The following MAGT1 variants were observed in gnomAD, a reference collection of about 807,000 sequenced individuals.
MAGT1 encodes dolichyl-diphosphooligosaccharide--protein glycosyltransferase subunit MAGT1.
MAGT1 carries 4 observed loss-of-function variants against 28.4 expected under a neutral mutation model. The ratio of observed to expected loss-of-function variants is 0.14; its 90% CI spans 0.07 to 0.32. MAGT1 has a LOEUF of 0.32. MAGT1 is among the 10% of genes least tolerant of loss of function. The pLI is 1.00. For synonymous variants in MAGT1, 89 were observed against 89.7 expected, an observed-to-expected ratio of 0.99 and a Z score of 0.04; for missense variants, 193 against 264.5, an observed-to-expected ratio of 0.73 and a Z score of 1.88.
At chrX:77,838,698 C>T (rs1603359548) in intron 8 of MAGT1, among the ~76,000 whole-genome samples, 1 of 104,043 alleles carries the variant, frequency 9.6e-6, no homozygotes, top group African/African-American at 3.6e-5. Flanking sequence ...GCGGAGGTTG[C>T]AGTAAGCCAA....
chrX:77,867,863 T>C lies in MAGT1; in HGVS notation c.390+2945A>G, dbSNP rs781898860. ...AAACCAGGGTTTCCCAAGTTTATTT[T>C]TTTCCAAGAATACTTATTAATACCA... On this transcript the variant is annotated intron_variant, in intron 3 of 9. Coordinates refer to ENST00000618282, the MANE Select transcript of MAGT1 (RefSeq NM_001367916.1). Among the ~76,000 whole-genome samples the C allele has an allele frequency of 1.5e-4, 10 of 67,321 alleles. 1 individual carries two copies. The South Asian group carries it at 5.8e-3, about 39-fold the overall frequency. The allele number at this position is 67,321 out of a possible 115,157, so 58.5% of individuals were successfully genotyped here. A position where few individuals can be genotyped will look rare whatever the true frequency, so the allele number is the denominator to read the frequency against.
intron 1 of MAGT1, among the ~76,000 whole-genome samples, chrX:77,876,582 T>C (rs140076453): frequency 4.0e-4 from 45 of 111,187 alleles, no homozygotes; most frequent in African/African-American, 1.4e-3. Flanking sequence ...AACCCAGAAG[T>C]AGACCCATAC....
Position 77,827,533 on chromosome X carries a change from C to T in MAGT1, c.*1687G>A, listed in dbSNP as rs2076886085. The T allele has an allele frequency of 9.3e-6, 1 of 107,890 alleles. No homozygotes were observed. 8.9% of individuals were successfully genotyped at this position (107,890 alleles called of 1,213,427 possible). A position where few individuals can be genotyped will look rare whatever the true frequency, so the allele number is the denominator to read the frequency against. On this transcript the variant is annotated 3_prime_UTR_variant, in exon 10 of 10. Coordinates refer to ENST00000618282, the MANE Select transcript of MAGT1 (RefSeq NM_001367916.1). ...CTTGGCTCACTGAAACCTCCATCTC[C>T]TGAGTTCAAGTGATTCTCGTGCCTC...
At chrX:77,837,534 T>C (rs1557214015) in intron 8 of MAGT1, 1 of 111,174 alleles carries the variant, frequency 9.0e-6, no homozygotes, top group African/African-American at 3.3e-5. Context: ...CTCTAACTCC[T>C]GGCCTCAAGC....
chrX:77,835,249 C>T lies in MAGT1; in HGVS notation c.902-4354G>A, dbSNP rs548151293. 3.6e-5 allele frequency among the ~76,000 whole-genome samples: 4 copies of T among 110,118 alleles called. No homozygotes were observed. The South Asian group carries it at 1.1e-3, about 31-fold the overall frequency. On this transcript the variant is annotated intron_variant, in intron 8 of 9. Coordinates refer to ENST00000618282, the MANE Select transcript of MAGT1 (RefSeq NM_001367916.1). ...TGCTGGGATTACAGGCGTGAGCCAC[C>T]GCAAAAAAAGAAAATATTTCAATAG...
chrX:77,839,167 G>A (rs1214719849), intron 8 of MAGT1, among the ~76,000 whole-genome samples: 8 of 105,998 alleles, frequency 7.5e-5, no homozygotes, highest in African/African-American at 2.7e-4. Flanking sequence ...AGCCAGGCAT[G>A]GTGGCGGGTG....
intron 3 of MAGT1, among the ~76,000 whole-genome samples, chrX:77,865,810 G>C (rs2077007131): frequency 9.0e-6 from 1 of 111,552 alleles, no homozygotes; most frequent in African/African-American, 3.3e-5. Flanking sequence ...TGGAGAGAAA[G>C]CAGACAGGGA....
At chrX:77,880,957 C>CAAAAAAAAAA (rs11285161) in intron 1 of MAGT1, among the ~76,000 whole-genome samples, 1 of 35,453 alleles carries the variant, frequency 2.8e-5, no homozygotes, top group Non-Finnish European at 4.8e-5. Flanking sequence ...GAATCTGTCT[C>CAAAAAAAAAA]AAAAAAAAAA....
At chrX:77,838,410 T>C (rs781920675) in intron 8 of MAGT1, among the ~76,000 whole-genome samples, 41 of 108,627 alleles carry the variant, frequency 3.8e-4, no homozygotes, top group African/African-American at 1.4e-3. Context: ...TGAGTCATTA[T>C]TGTGGCACTG....
intron 8 of MAGT1, among the ~76,000 whole-genome samples, chrX:77,835,989 T>C (rs1274219287): frequency 9.0e-6 from 1 of 110,939 alleles, no homozygotes; most frequent in Non-Finnish European, 1.9e-5. Flanking sequence ...TTTTAGTAGA[T>C]ACGGGGTTTT....
At chrX:77,871,875 G>C (rs894273614) in intron 2 of MAGT1, among the ~76,000 whole-genome samples, 1 of 110,376 alleles carries the variant, frequency 9.1e-6, no homozygotes, top group Admixed American at 9.8e-5. Context: ...AGTCATCTTT[G>C]AATTTTTCCA....
intron 9 of MAGT1, among the ~76,000 whole-genome samples, chrX:77,829,851 G>A (rs934599626): frequency 2.5e-4 from 28 of 111,733 alleles, no homozygotes; most frequent in African/African-American, 9.1e-4. Flanking sequence ...CAGACAAGGA[G>A]CTATGTGAAT....
chrX:77,871,798 C>T (rs1468377796), intron 2 of MAGT1, among the ~76,000 whole-genome samples: 4 of 109,945 alleles, frequency 3.6e-5, no homozygotes, highest in Non-Finnish European at 7.6e-5. Context: ...GCCGAGATCA[C>T]ACCACTGCAC....
At chrX:77,854,230 A>G (rs2076975875) in intron 6 of MAGT1, among the ~76,000 whole-genome samples, 1 of 111,716 alleles carries the variant, frequency 9.0e-6, no homozygotes, top group African/African-American at 3.2e-5. Context: ...GCTGGAGTGC[A>G]GCGGCATGAT....
intron 3 of MAGT1, among the ~76,000 whole-genome samples, chrX:77,863,432 G>A (rs782737125): frequency 4.5e-4 from 47 of 104,778 alleles, no homozygotes; most frequent in Non-Finnish European, 7.6e-4. Flanking sequence ...GGAGAATGGC[G>A]TGAACCCGGG....
intron 7 of MAGT1, among the ~76,000 whole-genome samples, chrX:77,851,633 CA>C (rs1420944084): frequency 9.0e-6 from 1 of 111,225 alleles, no homozygotes; most frequent in Non-Finnish European, 1.9e-5. Flanking sequence ...CTCAGCCTCC[CA>C]AAGTGCTGGG....
intron 8 of MAGT1, among the ~76,000 whole-genome samples, chrX:77,832,845 A>AAAAAG (rs1569547791): frequency 7.4e-5 from 8 of 108,452 alleles, no homozygotes; most frequent in Non-Finnish European, 1.1e-4. Flanking sequence ...AAAAAAAAAA[A>AAAAAG]AAAAGAAAAG....
intron 1 of MAGT1, among the ~76,000 whole-genome samples, chrX:77,890,010 C>T (rs974019620): frequency 7.1e-5 from 8 of 112,165 alleles, no homozygotes; most frequent in African/African-American, 1.6e-4. Context: ...AGCTCCCACA[C>T]GTAAGTGAGG....
Position 77,870,826 on chromosome X carries a change from G to A in MAGT1, c.372C>T (p.Gly124=). The A allele has an allele frequency of 8.4e-7, 1 of 1,188,614 alleles. No homozygotes were observed. Among genetic ancestry groups the A allele is most frequent in the East Asian group, 3.0e-5 (1 of 33,744 alleles). ...ATCTTACCATCTGAAATACATCAGA[G>A]CCTTCATCAAAATCCACCATGGCAA... ...IFFAMVDFDE[G]SDVFQMLNMN... Residue 124 remains glycine, a synonymous_variant, in exon 3 of 10, where the codon GGC becomes GGT. Transcript: ENST00000618282.
Sources: allele counts gnomAD v4.1 joint callset (sites outside exome capture counted in the v4.1 genomes callset), GRCh38; gene constraint gnomAD v4.1.1; transcripts MANE v1.5; gene names NCBI Gene and HGNC (gene_info 2026-07-23, HGNC 2026-07-21).